Variants in FBXO42 observed in about 807,000 individuals in gnomAD.
FBXO42 encodes F-box only protein 42.
A neutral mutation model predicts 71.7 loss-of-function variants in FBXO42; 12 were observed. The ratio of observed to expected loss-of-function variants is 0.17; its 90% confidence interval spans 0.11 to 0.27. The LOEUF (loss-of-function observed/expected upper bound fraction) is 0.27. Ranked by LOEUF, FBXO42 falls within the 10% of genes least tolerant of loss-of-function variation. FBXO42 has a pLI of 1.00. For missense variants in FBXO42, 707 were observed against 911.9 expected, an observed-to-expected ratio of 0.78 and a Z score of 2.89; for synonymous variants, 325 against 327.5, an observed-to-expected ratio of 0.99 and a Z score of 0.08.
At position 16,251,001 on chromosome 1, in the gene FBXO42, T is replaced by G; in HGVS notation, c.1823A>C (p.Gln608Pro). 6.2e-7 allele frequency: 1 copy of G among 1,614,216 alleles called. No homozygotes were observed. The highest frequency in any genetic ancestry group is 8.5e-7 in the Non-Finnish European group (1 of 1,180,028). The change falls in exon 10 of 10, where the codon CAA becomes CCA. Residue 608 changes from glutamine (Q) to proline (P), a missense_variant. This residue lies in a region of FBXO42 where 482 missense variants were observed against 587.1 expected (regional missense o/e 0.82). Coordinates refer to ENST00000375592, the MANE Select transcript of FBXO42 (RefSeq NM_018994.3). The surrounding 1 kb of genome is among the most constrained non-coding windows in gnomAD (Gnocchi z 4.5). ...GGGAGGTAAGGAATGTCCATCTCCT[T>G]GGGCAGGCCCTGGGCGAGGGATGGG... Reference protein sequence around the residue: ...TVPIPRPGPAQGDGHSLPPIA... With the variant: ...TVPIPRPGPAPGDGHSLPPIA...
rs2081604060 is a variant in FBXO42 at position 16,252,519 on chromosome 1, T to G, written c.922-115A>C. 6 of 755,878 alleles carry G rather than the reference T, an allele frequency of 7.9e-6. 1 individual carries two copies. The highest frequency in any genetic ancestry group is 1.3e-5 in the Non-Finnish European group (6 of 451,244). The allele number at this position is 755,878 out of a possible 1,614,324, so 46.8% of individuals were successfully genotyped here. A position where few individuals can be genotyped will look rare whatever the true frequency, so the allele number is the denominator to read the frequency against. ...TCTGGTCTTGAAAGGATGTGGACTC[T>G]TCAGAAGGATAGCAAAATCCTCAGT... On this transcript the variant is annotated intron_variant, in intron 8 of 9. Coordinates refer to ENST00000375592, the MANE Select transcript of FBXO42 (RefSeq NM_018994.3). The surrounding 1 kb of genome is among the most constrained non-coding windows in gnomAD (Gnocchi z 4.4).
chr1:16,345,558 G>A (rs2100643034), intron 1 of FBXO42, among the ~76,000 whole-genome samples: 1 of 149,464 alleles, frequency 6.7e-6, no homozygotes, highest in Non-Finnish European at 1.5e-5. Context: ...CCCTGTAAAA[G>A]ACACTGAGTC....
At chr1:16,297,147 T>C (rs1343333717) in intron 3 of FBXO42, among the ~76,000 whole-genome samples, 1 of 152,036 alleles carries the variant, frequency 6.6e-6, no homozygotes, top group African/African-American at 2.4e-5. Context: ...TTTCACCGTG[T>C]TGGCCAAGCT....
In FBXO42 at chr1:16,252,455, A is replaced by AAC. The variant is rs370270945; in HGVS notation, c.922-53_922-52dup. ...GACTCAGGTGTGATATGCGTTCCAA[A>AAC]ACACACACACACAGAGTTGCAGTCT... On this transcript the variant is annotated intron_variant, in intron 8 of 9. Transcript: ENST00000375592. This position sits in a 1 kb window ranked among gnomAD's most constrained non-coding sequence, Gnocchi z 4.4. 85 of 1,366,630 alleles carry AAC rather than the reference A, an allele frequency of 6.2e-5. No individual in the cohort carries two copies. The highest frequency in any genetic ancestry group is 9.2e-5 in the East Asian group (4 of 43,548). 84.7% of individuals were successfully genotyped at this position (1,366,630 alleles called of 1,614,324 possible).
intron 4 of FBXO42, among the ~76,000 whole-genome samples, chr1:16,283,749 C>T (rs2081991108): frequency 6.6e-6 from 1 of 152,040 alleles, no homozygotes; most frequent in South Asian, 2.1e-4. Context: ...CCTGCCTTGG[C>T]CTCCCAAAGT....
Position 16,294,873 on chromosome 1 carries a change from C to G in FBXO42, c.412G>C (p.Gly138Arg). The G allele has an allele frequency of 6.2e-7, 1 of 1,614,110 alleles. No individual in the cohort carries two copies. The highest frequency in any genetic ancestry group is 8.5e-7 in the Non-Finnish European group (1 of 1,179,998). ...GCATTGCAGCTGCTCTGGGTACAGCCTCCAAACACATACATAGACTGATTA... is the reference window on the plus strand; with the variant it reads ...GCATTGCAGCTGCTCTGGGTACAGCGTCCAAACACATACATAGACTGATTA... ...DANQSMYVFG[G>R]CTQSSCNAAF... The change falls in exon 4 of 10, where the codon GGC becomes CGC. Residue 138 changes from glycine to arginine, a missense_variant. This residue lies in a region of FBXO42 where 188 missense variants were observed against 230.5 expected (regional missense o/e 0.82). Coordinates refer to ENST00000375592, the MANE Select transcript of FBXO42 (RefSeq NM_018994.3).
chr1:16,264,884 C>T (rs1051122445), intron 4 of FBXO42, among the ~76,000 whole-genome samples: 2 of 152,164 alleles, frequency 1.3e-5, no homozygotes, highest in South Asian at 2.1e-4. Context: ...TATAATTACA[C>T]GGCATTCTTG....
Position 16,250,964 on chromosome 1 carries a change from G to T in FBXO42, c.1860C>A (p.Arg620=), listed in dbSNP as rs778406535. The change falls in exon 10 of 10, where the codon CGC becomes CGA. Residue 620 remains arginine, a synonymous_variant. Coordinates refer to ENST00000375592, the MANE Select transcript of FBXO42 (RefSeq NM_018994.3). This position sits in a 1 kb window ranked among gnomAD's most constrained non-coding sequence, Gnocchi z 4.7. The stretch of plus-strand genomic sequence containing the variant: ...GGGACTGTGGAGGGTGGTGGCCCAG[G>T]CGGCGAGCAATGGGAGGTAAGGAAT... ...DGHSLPPIAR[R]LGHHPPQSLN... The T allele has an allele frequency of 6.2e-7, 1 of 1,614,210 alleles. No homozygotes were observed. Among genetic ancestry groups the T allele is most frequent in the Non-Finnish European group, 8.5e-7 (1 of 1,180,038 alleles).
At chr1:16,303,977 A>G (rs543736006) in intron 3 of FBXO42, among the ~76,000 whole-genome samples, 2 of 152,092 alleles carry the variant, frequency 1.3e-5, no homozygotes, top group African/African-American at 2.4e-5. Flanking sequence ...GGAATTGTTC[A>G]TATTTTTAGC....
At chr1:16,261,276 C>T (rs577481002) in intron 4 of FBXO42, among the ~76,000 whole-genome samples, 44 of 152,222 alleles carry the variant, frequency 2.9e-4, no homozygotes, top group African/African-American at 1.0e-3. Context: ...ACTTATTCTC[C>T]GAACTCTCCA....
Position 16,248,698 on chromosome 1 carries a change from T to C in FBXO42, c.*1972A>G, listed in dbSNP as rs569192113. 3.3e-5 allele frequency: 5 copies of C among 152,318 alleles called. No homozygotes were observed. In the East Asian group the frequency reaches 9.6e-4, roughly 29 times the overall value. The allele number at this position is 152,318 out of a possible 1,614,324, so 9.4% of individuals were successfully genotyped here. ...CCTTGTAAATAAGGACCCCACATGA[T>C]CGAACAGTCTTTGCCAAGCAAGGAT... On this transcript the variant is annotated 3_prime_UTR_variant, in exon 10 of 10. Transcript: ENST00000375592.
intron 1 of FBXO42, among the ~76,000 whole-genome samples, chr1:16,323,996 G>A (rs1178620817): frequency 6.6e-6 from 1 of 152,000 alleles, no homozygotes; most frequent in Non-Finnish European, 1.5e-5. Flanking sequence ...CAGCACTAAT[G>A]TAGGCTAAGT....
intron 4 of FBXO42, among the ~76,000 whole-genome samples, chr1:16,272,020 T>C (rs1051713826): frequency 1.4e-5 from 2 of 147,572 alleles, no homozygotes; most frequent in Non-Finnish European, 3.0e-5. Flanking sequence ...CTGGGCGTGG[T>C]GGTGCATGCC....
intron 2 of FBXO42, among the ~76,000 whole-genome samples, chr1:16,311,028 A>G (rs116433696): frequency 0.013 from 1,865 of 146,312 alleles, 42 homozygotes; most frequent in African/African-American, 0.046. Context: ...AAACAACCCA[A>G]TTAAAAAATG....
At chr1:16,300,881 G>A (rs2100544611) in intron 3 of FBXO42, among the ~76,000 whole-genome samples, 2 of 147,382 alleles carry the variant, frequency 1.4e-5, no homozygotes, top group African/African-American at 5.0e-5. Flanking sequence ...TCACCAAAAA[G>A]CTAGAATTGG....
intron 1 of FBXO42, among the ~76,000 whole-genome samples, chr1:16,343,925 C>A (rs2082630771): frequency 6.7e-6 from 1 of 150,218 alleles, no homozygotes; most frequent in Non-Finnish European, 1.5e-5. Flanking sequence ...CTGCATTGAG[C>A]CATAATCACA....
At chr1:16,266,595 A>AC (rs2081776346) in intron 4 of FBXO42, among the ~76,000 whole-genome samples, 1 of 151,892 alleles carries the variant, frequency 6.6e-6, no homozygotes, top group Non-Finnish European at 1.5e-5. Flanking sequence ...CTAAAACCCT[A>AC]CCCCACAGAT....
chr1:16,351,036 C>T (rs1167859000), intron 1 of FBXO42, among the ~76,000 whole-genome samples: 1 of 152,178 alleles, frequency 6.6e-6, no homozygotes, highest in Non-Finnish European at 1.5e-5. Context: ...ATAAGATATA[C>T]AGACTTAATT....
At chr1:16,282,575 T>G (rs9633477) in intron 4 of FBXO42, among the ~76,000 whole-genome samples, 8 of 150,554 alleles carry the variant, frequency 5.3e-5, no homozygotes, top group Non-Finnish European at 1.2e-4. Flanking sequence ...CCAGGTGCAG[T>G]GGCTCATGCC....
Sources: allele counts gnomAD v4.1 joint callset (sites outside exome capture counted in the v4.1 genomes callset), GRCh38; gene constraint gnomAD v4.1.1; regional missense constraint gnomAD v4.1.1; non-coding constraint Gnocchi (gnomAD v3.1); transcripts MANE v1.5; gene names NCBI Gene and HGNC (gene_info 2026-07-23, HGNC 2026-07-21).